SUZ12: variants seen among roughly 807,000 people sequenced by gnomAD.
SUZ12 encodes the protein SUZ12 polycomb repressive complex 2 subunit.
A neutral mutation model predicts 87.3 loss-of-function variants in SUZ12; 17 were observed. That is an observed-to-expected ratio of 0.19 (90% CI 0.13 to 0.29). The LOEUF is 0.29. SUZ12 is among the 10% of genes least tolerant of loss of function. The pLI is 1.00. For missense variants in SUZ12, 526 were observed against 912.2 expected (o/e 0.58, Z 5.45); for synonymous variants, 253 against 312.4 (o/e 0.81, Z 2.01).
chr17:31,971,630 G>C (rs561762943), intron 5 of SUZ12, among the ~76,000 whole-genome samples: 2 of 151,618 alleles, frequency 1.3e-5, no homozygotes, highest in Admixed American at 1.3e-4. Context: ...GGGTTTCTCC[G>C]TGTTGGTCAG....
At chr17:31,958,216 T>A (rs1208705799) in intron 4 of SUZ12, among the ~76,000 whole-genome samples, 2 of 152,108 alleles carry the variant, frequency 1.3e-5, no homozygotes, top group Non-Finnish European at 2.9e-5. Flanking sequence ...TTGTACTTTT[T>A]GTAGAGATGA....
chr17:31,965,969 A>C (rs1908062065), intron 4 of SUZ12, 178 bp from the exon 5 acceptor site: 1 of 533,358 alleles, frequency 1.9e-6, no homozygotes, highest in Admixed American at 3.8e-5. Flanking sequence ...GTATAGACAC[A>C]CTTTTGGATG....
intron 4 of SUZ12, among the ~76,000 whole-genome samples, chr17:31,952,556 A>C (rs1325784442): frequency 6.6e-6 from 1 of 152,028 alleles, no homozygotes; most frequent in Non-Finnish European, 1.5e-5. Context: ...TTTTGGAATT[A>C]TCTTTTTTTT....
At chr17:31,957,785 A>T (rs888191995) in intron 4 of SUZ12, among the ~76,000 whole-genome samples, 9 of 150,812 alleles carry the variant, frequency 6.0e-5, no homozygotes, top group African/African-American at 2.2e-4. Context: ...ACCTCAAGTT[A>T]TCCACCAGCC....
At chr17:31,966,635 A>T (rs746727643) in intron 5 of SUZ12, 1 of 154,522 alleles carries the variant, frequency 6.5e-6, no homozygotes, top group South Asian at 2.0e-4. Context: ...CGCCTGGCTA[A>T]TGATGAAGAT....
intron 7 of SUZ12, among the ~76,000 whole-genome samples, chr17:31,976,133 T>C (rs1908737120): frequency 6.6e-6 from 1 of 152,116 alleles, no homozygotes; most frequent in African/African-American, 2.4e-5. Flanking sequence ...AGACATGAAA[T>C]ATATCATTGC....
At chr17:31,982,282 A>G (rs1259438830) in intron 8 of SUZ12, among the ~76,000 whole-genome samples, 3 of 152,206 alleles carry the variant, frequency 2.0e-5, no homozygotes, top group Non-Finnish European at 4.4e-5. Flanking sequence ...TCTAGTTCAA[A>G]CAATTACAGT....
intron 4 of SUZ12, among the ~76,000 whole-genome samples, chr17:31,949,676 C>CTTTTTT (rs71360790): frequency 4.8e-4 from 6 of 12,386 alleles, no homozygotes; most frequent in African/African-American, 1.7e-3. Context: ...CCCCCCCCCC[C>CTTTTTT]TTTTTTTTTT....
chr17:31,970,281 G>C (rs1445775588), intron 5 of SUZ12, among the ~76,000 whole-genome samples: 3 of 152,158 alleles, frequency 2.0e-5, no homozygotes, highest in East Asian at 3.8e-4. Flanking sequence ...CGAAGAAACT[G>C]ATCAAATGTG....
intron 8 of SUZ12, 47 bp from the exon 9 acceptor site, chr17:31,982,952 A>C: frequency 1.4e-6 from 2 of 1,471,932 alleles, no homozygotes; most frequent in Non-Finnish European, 1.9e-6. Flanking sequence ...TTGTGTACTT[A>C]TAGTAATAAC....
At chr17:31,942,436 A>C (rs1598145968) in intron 3 of SUZ12, among the ~76,000 whole-genome samples, 1 of 151,948 alleles carries the variant, frequency 6.6e-6, no homozygotes, top group East Asian at 1.9e-4. Context: ...CGCGGGTTCA[A>C]GGGATTATCC....
At chr17:31,949,705 T>TTTTTTTTTTTTTTTTTTTTTTGGCG (rs1367680305) in intron 4 of SUZ12, among the ~76,000 whole-genome samples, 1 of 96,504 alleles carries the variant, frequency 1.0e-5, no homozygotes, top group Non-Finnish European at 2.0e-5. Context: ...TTTTTTTTTT[T>TTTTTTTTTTTTTTTTTTTTTTGGCG]GAGACCAAGT....
intron 4 of SUZ12, among the ~76,000 whole-genome samples, chr17:31,953,981 G>A (rs181038362): frequency 1.3e-5 from 2 of 151,940 alleles, no homozygotes; most frequent in East Asian, 3.9e-4. Flanking sequence ...CAAAGTGCTG[G>A]GATTACAGGT....
chr17:31,957,895 CTTTT>C (rs1181314058), intron 4 of SUZ12, among the ~76,000 whole-genome samples: 23 of 91,326 alleles, frequency 2.5e-4, no homozygotes, highest in African/African-American at 7.7e-4. Flanking sequence ...ACCTTTTGTC[CTTTT>C]TTTTTTTTTT....
At position 31,999,149 on chromosome 17, in the gene SUZ12, C is replaced by T. The variant is rs1161797210; in HGVS notation, c.*146C>T. Reference sequence around the variant, plus strand: ...ATGATTTCAACAAGGATATTTGTATCAGGGTTCTACTTCACTTCATTATGC... The same window carrying T: ...ATGATTTCAACAAGGATATTTGTATTAGGGTTCTACTTCACTTCATTATGC... On this transcript the variant is annotated 3_prime_UTR_variant, in exon 16 of 16. Coordinates refer to ENST00000322652, the MANE Select transcript of SUZ12 (RefSeq NM_015355.4). The T allele has an allele frequency of 3.2e-6, 2 of 622,038 alleles. No homozygotes were observed. Among genetic ancestry groups the T allele is most frequent in the Non-Finnish European group, 5.2e-6 (2 of 386,084 alleles). 38.5% of individuals were successfully genotyped at this position (622,038 alleles called of 1,614,324 possible). A position where few individuals can be genotyped will look rare whatever the true frequency, so the allele number is the denominator to read the frequency against.
At chr17:31,977,103 G>A (rs1310284388) in intron 8 of SUZ12, among the ~76,000 whole-genome samples, 2 of 152,090 alleles carry the variant, frequency 1.3e-5, no homozygotes, top group South Asian at 2.1e-4. Context: ...TTGGGGTTAT[G>A]TGTTTATTAA....
chr17:31,941,024 C>A (rs1167380015), intron 3 of SUZ12, among the ~76,000 whole-genome samples: 2 of 151,290 alleles, frequency 1.3e-5, no homozygotes, highest in African/African-American at 2.4e-5. Context: ...AAAAAAAAAA[C>A]AAAACTGATT....
intron 8 of SUZ12, among the ~76,000 whole-genome samples, chr17:31,979,042 G>C (rs900227413): frequency 4.2e-5 from 6 of 142,362 alleles, no homozygotes; most frequent in Non-Finnish European, 9.0e-5. Flanking sequence ...GGAGGCGGAG[G>C]TTACAGTGAG....
chr17:31,983,778 C>T (rs1909255332), intron 9 of SUZ12, among the ~76,000 whole-genome samples: 1 of 152,126 alleles, frequency 6.6e-6, no homozygotes. Flanking sequence ...TAAATGTTAA[C>T]GGCTATTTTA....
Sources: allele counts gnomAD v4.1 joint callset (sites outside exome capture counted in the v4.1 genomes callset), GRCh38; gene constraint gnomAD v4.1.1; transcripts MANE v1.5; gene names NCBI Gene and HGNC (gene_info 2026-07-23, HGNC 2026-07-21).